The following FBLN7 variants were observed in gnomAD, a reference collection of about 807,000 sequenced individuals.
The protein encoded by FBLN7 is fibulin 7.
Under a neutral mutation model 44.0 loss-of-function variants are expected in FBLN7, and 31 were observed. The ratio of observed to expected loss-of-function variants is 0.70; its 90% CI spans 0.53 to 0.95. The LOEUF is 0.95. FBLN7 is among the 40% of genes least tolerant of loss of function. The probability of loss-of-function intolerance (pLI) is 0.00; values close to 1 mark genes in which losing one functional copy is unlikely to be tolerated. For synonymous variants in FBLN7, 262 were observed against 253.4 expected, an observed-to-expected ratio of 1.03 and a Z score of -0.32; for missense variants, 573 against 618.5, an observed-to-expected ratio of 0.93 and a Z score of 0.78.
chr2:112,175,103 G>A (rs959240802), intron 3 of FBLN7, among the ~76,000 whole-genome samples: 3 of 151,122 alleles, frequency 2.0e-5, no homozygotes, highest in African/African-American at 4.9e-5. Flanking sequence ...AGCAAGGAAC[G>A]TCTCCCTTTA....
At chr2:112,216,085 C>T in the FBLN7 span, 1 of 152,156 alleles carries the variant, frequency 6.6e-6, no homozygotes, top group Admixed American at 6.5e-5. Context: ...CAATGTCTTC[C>T]GAGCAGTTCT....
chr2:112,215,829 T>C, the FBLN7 span: 6 of 152,188 alleles, frequency 3.9e-5, no homozygotes, highest in South Asian at 2.1e-4. Flanking sequence ...AATATTCTTA[T>C]ATTTTAACAA....
chr2:112,193,113 A>G (rs1181913672), downstream of FBLN7, among the ~76,000 whole-genome samples: 1 of 152,178 alleles, frequency 6.6e-6, no homozygotes, highest in East Asian at 1.9e-4. Flanking sequence ...CCCCATGGAT[A>G]CCAAAATCCA....
the FBLN7 span, among the ~76,000 whole-genome samples, chr2:112,209,037 G>T: frequency 6.6e-6 from 1 of 151,914 alleles, no homozygotes; most frequent in Non-Finnish European, 1.5e-5. Context: ...CCATTGTATT[G>T]TCCCTTAAAT....
intron 4 of FBLN7, chr2:112,176,055 CTT>C: frequency 2.4e-6 from 1 of 419,822 alleles, no homozygotes; most frequent in Non-Finnish European, 4.1e-6. Context: ...TTTGACCCTT[CTT>C]ATAGTAGAAA....
chr2:112,158,148 C>T (rs1213597330), intron 1 of FBLN7, among the ~76,000 whole-genome samples: 2 of 146,162 alleles, frequency 1.4e-5, no homozygotes, highest in South Asian at 2.2e-4. Context: ...CCGCCCGCCT[C>T]GGCCTCCCAA....
chr2:112,159,917 T>C, intron 2 of FBLN7, 82 bp downstream of exon 2: 1 of 1,253,456 alleles, frequency 8.0e-7, no homozygotes, highest in Non-Finnish European at 1.0e-6. Flanking sequence ...TGGAGGCCCC[T>C]CGTCACCCCT....
chr2:112,183,803 A>G (rs1683117191), intron 6 of FBLN7, among the ~76,000 whole-genome samples: 1 of 152,134 alleles, frequency 6.6e-6, no homozygotes, highest in Non-Finnish European at 1.5e-5. Flanking sequence ...TAAGTTGACA[A>G]GGAATGTCTG....
At chr2:112,138,991 C>G (rs1223904709) in intron 1 of FBLN7, among the ~76,000 whole-genome samples, 10 of 77,538 alleles carry the variant, frequency 1.3e-4, no homozygotes, top group Non-Finnish European at 2.6e-4. Context: ...TCCAGGCCAG[C>G]GTCCCTCCCG....
At chr2:112,170,793 C>T (rs953134617) in intron 3 of FBLN7, among the ~76,000 whole-genome samples, 1 of 152,200 alleles carries the variant, frequency 6.6e-6, no homozygotes, top group African/African-American at 2.4e-5. Flanking sequence ...ATAGAGAATG[C>T]ATTGGAGATG....
rs756399788 is a variant in FBLN7, at chr2:112,181,796, C to T, written c.590C>T (p.Ala197Val). 6.7e-7 allele frequency: 1 copy of T among 1,482,220 alleles called. No homozygotes were observed. Among genetic ancestry groups the T allele is most frequent in the Non-Finnish European group, 8.9e-7 (1 of 1,123,150 alleles). The allele number at this position is 1,482,220 out of a possible 1,614,324, so 91.8% of individuals were successfully genotyped here. A position where few individuals can be genotyped will look rare whatever the true frequency, so the allele number is the denominator to read the frequency against. ...GCCTTCAGCCGCGCGCCGCGCTGTG[C>T]GCAGGTGGAGCGGGCTCAGCACTGC... is the stretch of plus-strand genomic sequence containing the variant. Reference protein sequence around the residue: ...DSAFSRAPRCAQVERAQHCSC... With the variant: ...DSAFSRAPRCVQVERAQHCSC... The change falls in exon 5 of 8, where the codon GCG (alanine) becomes GTG (valine). Residue 197 changes from alanine (A) to valine (V), a missense_variant. Ala to Val is a moderately conservative substitution (Grantham distance 64). Transcript: ENST00000331203.
chr2:112,186,473 C>T (rs1683273350), intron 7 of FBLN7, among the ~76,000 whole-genome samples: 1 of 152,038 alleles, frequency 6.6e-6, no homozygotes, highest in Admixed American at 6.5e-5. Flanking sequence ...AACCCCGTCT[C>T]TACTAAAAAT....
chr2:112,197,274 C>CACACACACAG, the FBLN7 span, among the ~76,000 whole-genome samples: 2,601 of 98,362 alleles, frequency 0.026, 63 homozygotes, highest in Non-Finnish European at 0.041. Flanking sequence ...CACACACACA[C>CACACACACAG]AGAGAGAGAG....
intron 1 of FBLN7, among the ~76,000 whole-genome samples, chr2:112,153,801 C>G (rs1681283372): frequency 6.6e-6 from 1 of 152,286 alleles, no homozygotes; most frequent in African/African-American, 2.4e-5. Context: ...GCCTGGTGAT[C>G]TCTGAGGAAT....
At chr2:112,230,491 G>GA in the FBLN7 span, among the ~76,000 whole-genome samples, 1 of 152,172 alleles carries the variant, frequency 6.6e-6, no homozygotes, top group Admixed American at 6.5e-5. Context: ...AACATAAAGT[G>GA]AAATGTTATA....
At chr2:112,234,833 T>G in the FBLN7 span, among the ~76,000 whole-genome samples, 2 of 151,602 alleles carry the variant, frequency 1.3e-5, no homozygotes, top group Non-Finnish European at 2.9e-5. Context: ...ATGAAAGTGA[T>G]AGTATTTATG....
intron 1 of FBLN7, among the ~76,000 whole-genome samples, chr2:112,150,886 C>A (rs1045603722): frequency 6.6e-6 from 1 of 152,148 alleles, no homozygotes; most frequent in African/African-American, 2.4e-5. Flanking sequence ...AAGAGAAAAA[C>A]CAGACAAATT....
At chr2:112,154,906 A>G (rs891768220) in intron 1 of FBLN7, among the ~76,000 whole-genome samples, 3 of 152,190 alleles carry the variant, frequency 2.0e-5, no homozygotes, top group Non-Finnish European at 4.4e-5. Flanking sequence ...CGTTAACATG[A>G]AAATGATGCC....
At chr2:112,225,292 G>T in the FBLN7 span, among the ~76,000 whole-genome samples, 1 of 152,062 alleles carries the variant, frequency 6.6e-6, no homozygotes, top group Non-Finnish European at 1.5e-5. Context: ...ATAATAAAAT[G>T]TTATCAAAAG....
Sources: allele counts gnomAD v4.1 joint callset (sites outside exome capture counted in the v4.1 genomes callset), GRCh38; gene constraint gnomAD v4.1.1; transcripts MANE v1.5; gene names NCBI Gene and HGNC (gene_info 2026-07-23, HGNC 2026-07-21).